SEC14L1: variants seen among roughly 807,000 people sequenced by gnomAD.
The protein encoded by SEC14L1 is SEC14 like lipid binding 1.
SEC14L1 carries 48 observed loss-of-function variants against 85.3 expected under a neutral mutation model. That is an observed-to-expected ratio of 0.56 (90% CI 0.45 to 0.72). The LOEUF (loss-of-function observed/expected upper bound fraction) is 0.72, where lower values mean the gene tolerates loss of function less well. Among genes scored for constraint, SEC14L1 ranks in the 30% least tolerant of loss-of-function variants. The probability of loss-of-function intolerance (pLI) is 0.00; values close to 1 mark genes in which losing one functional copy is unlikely to be tolerated. For missense variants in SEC14L1, 682 were observed against 921.4 expected, an observed-to-expected ratio of 0.74 and a Z score of 3.36; for synonymous variants, 391 against 355.5, an observed-to-expected ratio of 1.10 and a Z score of -1.12.
In SEC14L1 at chr17:77,213,302, T is replaced by A. The variant is rs1976861692; in HGVS notation, c.1864-12T>A. The A allele has an allele frequency of 6.3e-7, 1 of 1,596,558 alleles. No individual in the cohort carries two copies. Among genetic ancestry groups the A allele is most frequent in the East Asian group, 2.2e-5 (1 of 44,750 alleles). ...GAGTCGCCCTCAGCTGCCACTGCCCTACTTGTTCTAGGGTTCCCATGTGAC... is the reference window on the plus strand; with the variant it reads ...GAGTCGCCCTCAGCTGCCACTGCCCAACTTGTTCTAGGGTTCCCATGTGAC... On this transcript the variant is annotated splice_polypyrimidine_tract_variant and intron_variant, in intron 15 of 16. Transcript: ENST00000436233. This position sits in a 1 kb window ranked among gnomAD's most constrained non-coding sequence, Gnocchi z 7.1.
At chr17:77,093,093 C>T (rs942521188) in intron 2 of SEC14L1, among the ~76,000 whole-genome samples, 8 of 152,108 alleles carry the variant, frequency 5.3e-5, no homozygotes, top group Admixed American at 3.3e-4. Flanking sequence ...GCCCATTCCC[C>T]GCAGGGCAGA....
chr17:77,118,737 G>A (rs548929642), intron 3 of SEC14L1, among the ~76,000 whole-genome samples: 5 of 152,328 alleles, frequency 3.3e-5, no homozygotes, highest in South Asian at 2.1e-4. Context: ...CGTAGCAGGC[G>A]TGCATGCAGG....
chr17:77,169,823 A>C lies in SEC14L1; in HGVS notation c.64-20980A>C, dbSNP rs184186487. 2.6e-5 allele frequency among the ~76,000 whole-genome samples: 4 copies of C among 152,252 alleles called. No homozygotes were observed. In the East Asian group the frequency reaches 7.7e-4, roughly 29 times the overall value. ...TGGTGTCGGTAGAGGTGGGGACATT[A>C]ATAGAGATTTGCACAGGGTTACACT... On this transcript the variant is annotated intron_variant, in intron 3 of 16. Coordinates refer to ENST00000436233, the MANE Select transcript of SEC14L1 (RefSeq NM_001143998.2).
At chr17:77,155,566 G>C (rs1483271731) in intron 3 of SEC14L1, among the ~76,000 whole-genome samples, 1 of 152,020 alleles carries the variant, frequency 6.6e-6, no homozygotes, top group Non-Finnish European at 1.5e-5. Context: ...AGCCTTGGTG[G>C]CTTAGCCCCA....
At chr17:77,143,459 T>A in intron 2 of SEC14L1, 108 bp from the exon 3 acceptor site, 1 of 625,218 alleles carries the variant, frequency 1.6e-6, no homozygotes, top group Non-Finnish European at 2.9e-6. Flanking sequence ...TTATGACCTA[T>A]TGTGGTCTCT....
chr17:77,140,848 GCCCGCTCCCGCC>G (rs1316549482), upstream of SEC14L1: 1 of 147,746 alleles, frequency 6.8e-6, no homozygotes, highest in Non-Finnish European at 1.5e-5. Context: ...AGCAACCATC[GCCCGCTCCCGCC>G]CCCGCTCCCT....
intron 3 of SEC14L1, among the ~76,000 whole-genome samples, chr17:77,167,226 C>A (rs1024472073): frequency 6.8e-6 from 1 of 147,084 alleles, no homozygotes; most frequent in African/African-American, 2.5e-5. Context: ...CCTCCCAATT[C>A]ATTGTTGAAG....
At chr17:77,184,523 T>C (rs1319545454) in intron 3 of SEC14L1, among the ~76,000 whole-genome samples, 2 of 152,178 alleles carry the variant, frequency 1.3e-5, no homozygotes, top group Admixed American at 1.3e-4. Flanking sequence ...TTTTTCTTTC[T>C]GGTGTTCAAA....
At chr17:77,173,421 G>A (rs1419596723) in intron 3 of SEC14L1, among the ~76,000 whole-genome samples, 1 of 152,054 alleles carries the variant, frequency 6.6e-6, no homozygotes, top group Admixed American at 6.5e-5. Flanking sequence ...GAGGTATCTG[G>A]CTGAGGCAGA....
At chr17:77,212,889 T>G (rs551452580) in intron 15 of SEC14L1, 1 of 182,484 alleles carries the variant, frequency 5.5e-6, no homozygotes, top group South Asian at 1.3e-4. Flanking sequence ...TTTCCACGGA[T>G]TGACGGCTCA....
intron 3 of SEC14L1, among the ~76,000 whole-genome samples, chr17:77,171,285 C>G (rs1450313784): frequency 6.6e-6 from 1 of 152,142 alleles, no homozygotes; most frequent in Non-Finnish European, 1.5e-5. Flanking sequence ...CAACATTTCC[C>G]TCTCATCTGG....
intron 3 of SEC14L1, among the ~76,000 whole-genome samples, chr17:77,167,629 C>T (rs1041271502): frequency 3.3e-5 from 5 of 152,200 alleles, no homozygotes; most frequent in Admixed American, 6.5e-5. Context: ...CTATTATTAA[C>T]ATCTTGTGTG....
At chr17:77,097,140 C>T (rs576359475) in intron 3 of SEC14L1, among the ~76,000 whole-genome samples, 11 of 152,296 alleles carry the variant, frequency 7.2e-5, no homozygotes, top group African/African-American at 2.6e-4. Context: ...TAACACGTAC[C>T]AGTATTTGAA....
chr17:77,189,957 T>C (rs1055287051), intron 3 of SEC14L1, among the ~76,000 whole-genome samples: 1 of 152,234 alleles, frequency 6.6e-6, no homozygotes, highest in African/African-American at 2.4e-5. Flanking sequence ...AGCAAATGTT[T>C]TTAACTTTGA....
In SEC14L1 at chr17:77,213,948, C is replaced by T. The variant is rs759573004; in HGVS notation, c.2073C>T (p.His691=). ...RGSMTSLESS[H]SGFSQLSAAT... Reference sequence around the variant, plus strand: ...CCATGACGAGCCTGGAGTCCAGCCACAGCGGCTTCTCCCAGCTGAGTGCCG... The same window carrying T: ...CCATGACGAGCCTGGAGTCCAGCCATAGCGGCTTCTCCCAGCTGAGTGCCG... The change falls in exon 17 of 17, where the codon CAC becomes CAT. Residue 691 remains histidine, a synonymous_variant. Coordinates refer to ENST00000436233, the MANE Select transcript of SEC14L1 (RefSeq NM_001143998.2). The surrounding 1 kb of genome is among the most constrained non-coding windows in gnomAD (Gnocchi z 7.1). 1.2e-6 allele frequency: 2 copies of T among 1,613,682 alleles called. No individual in the cohort carries two copies. Among genetic ancestry groups the T allele is most frequent in the Non-Finnish European group, 1.7e-6 (2 of 1,179,962 alleles).
chr17:77,138,103 G>C (rs1972848594), upstream of SEC14L1, among the ~76,000 whole-genome samples: 1 of 152,128 alleles, frequency 6.6e-6, no homozygotes, highest in Non-Finnish European at 1.5e-5. Flanking sequence ...TGCTGAGTCA[G>C]TTCCTGGGCG....
chr17:77,211,912 T>C, intron 14 of SEC14L1, 38 bp from the exon 15 acceptor site: 1 of 1,605,724 alleles, frequency 6.2e-7, no homozygotes, highest in Non-Finnish European at 8.5e-7. Flanking sequence ...GGCCTGGTGC[T>C]CGTGGATCGT....
At chr17:77,136,251 CT>C (rs1972795640), upstream of SEC14L1, among the ~76,000 whole-genome samples, 1 of 141,636 alleles carries the variant, frequency 7.1e-6, no homozygotes, top group Admixed American at 7.1e-5. Context: ...TTCCTCTTTC[CT>C]TTCTTTCTTT....
intron 3 of SEC14L1, among the ~76,000 whole-genome samples, chr17:77,127,647 G>A (rs766914268): frequency 6.6e-6 from 1 of 152,192 alleles, no homozygotes; most frequent in Non-Finnish European, 1.5e-5. Flanking sequence ...ACCACGCCTG[G>A]CCAAGGGGTT....
Sources: gnomAD v4.1 joint callset for allele counts (sites outside exome capture counted in the v4.1 genomes callset) on GRCh38, gnomAD v4.1.1 for gene constraint, Gnocchi (gnomAD v3.1) non-coding constraint, MANE v1.5 for transcripts, NCBI Gene and HGNC (gene_info 2026-07-23, HGNC 2026-07-21) for gene names.